CECR2: variants seen among roughly 807,000 people sequenced by gnomAD.
CECR2 encodes CECR2 histone acetyl-lysine reader.
CECR2 carries 30 observed loss-of-function variants against 154.5 expected under a neutral mutation model. The observed-to-expected ratio is 0.19, with a 90% CI of 0.15 to 0.26. The LOEUF (loss-of-function observed/expected upper bound fraction) is 0.26. Ranked by LOEUF, CECR2 falls within the 10% of genes least tolerant of loss-of-function variation. CECR2 has a pLI of 1.00. For missense variants in CECR2, 1,743 were observed against 1,829.3 expected (o/e 0.95, Z 0.86); for synonymous variants, 725 against 683.7 (o/e 1.06, Z -0.94).
At chr22:17,469,593 G>GGT (rs1555913581) in intron 1 of CECR2, among the ~76,000 whole-genome samples, 2 of 125,398 alleles carry the variant, frequency 1.6e-5, no homozygotes, top group Non-Finnish European at 3.3e-5. Flanking sequence ...TGATAACATT[G>GGT]TTTTTTTTTT....
In CECR2 at chr22:17,553,179, C is replaced by G. The variant is rs913196954; in HGVS notation, c.*339C>G. On this transcript the variant is annotated 3_prime_UTR_variant, in exon 19 of 19. Coordinates refer to ENST00000262608, the MANE Select transcript of CECR2 (RefSeq NM_001290047.2). ...CTTTAAACTTGGGGGAGGGGGTATA[C>G]TCAAGAATGGAGTGGTGCTTTTAAA... 14 of 250,926 alleles carry G rather than the reference C, an allele frequency of 5.6e-5. No homozygotes were observed. Among genetic ancestry groups the G allele is most frequent in the Non-Finnish European group, 1.0e-4 (14 of 134,360 alleles). 15.5% of individuals were successfully genotyped at this position (250,926 alleles called of 1,614,324 possible). A position where few individuals can be genotyped will look rare whatever the true frequency, so the allele number is the denominator to read the frequency against.
At chr22:17,452,544 G>A (rs1307303069) in intron 1 of CECR2, among the ~76,000 whole-genome samples, 5 of 152,288 alleles carry the variant, frequency 3.3e-5, no homozygotes, top group East Asian at 1.9e-4. Flanking sequence ...GGGATATGGC[G>A]TGAGAGAGAA....
chr22:17,393,629 A>G (rs1273879430), intron 1 of CECR2, among the ~76,000 whole-genome samples: 1 of 152,232 alleles, frequency 6.6e-6, no homozygotes, highest in East Asian at 1.9e-4. Flanking sequence ...CATCAGCAGT[A>G]TATGAGTGTT....
At chr22:17,524,333 C>T (rs1428259542) in intron 9 of CECR2, 62 bp downstream of exon 9, 6 of 1,582,828 alleles carry the variant, frequency 3.8e-6, no homozygotes, top group Non-Finnish European at 5.1e-6. Flanking sequence ...GTCCTGTAGC[C>T]AGAGCCAACT....
chr22:17,373,539 A>G lies in CECR2; in HGVS notation c.126+3630A>G, dbSNP rs1245280897. Among the ~76,000 whole-genome samples the G allele has an allele frequency of 4.6e-5, 7 of 152,222 alleles. No individual in the cohort carries two copies. In the East Asian group the frequency reaches 1.2e-3, roughly 25 times the overall value. On this transcript the variant is annotated intron_variant, in intron 1 of 18. Transcript: ENST00000262608. ...GATAAAAGTGATTCACTGTTAACAT[A>G]CTTAGAAATTCCTAAATATGCCCGC... is the stretch of plus-strand genomic sequence containing the variant.
intron 1 of CECR2, among the ~76,000 whole-genome samples, chr22:17,425,281 A>G (rs1280830494): frequency 6.6e-6 from 1 of 152,090 alleles, no homozygotes; most frequent in Non-Finnish European, 1.5e-5. Flanking sequence ...AACACAGGTG[A>G]ATATGTATGT....
intron 16 of CECR2, among the ~76,000 whole-genome samples, chr22:17,546,761 G>A (rs1246716946): frequency 6.6e-6 from 1 of 151,724 alleles, no homozygotes; most frequent in African/African-American, 2.4e-5. Context: ...TATTTTGGCT[G>A]GGCGCGGTGG....
intron 1 of CECR2, among the ~76,000 whole-genome samples, chr22:17,472,514 C>T (rs539538364): frequency 1.3e-5 from 2 of 152,218 alleles, no homozygotes; most frequent in South Asian, 2.1e-4. Context: ...AGTTGGTCCC[C>T]GTGCAAATTA....
intron 4 of CECR2, among the ~76,000 whole-genome samples, chr22:17,499,838 C>T (rs1253900733): frequency 6.6e-6 from 1 of 152,194 alleles, no homozygotes; most frequent in Non-Finnish European, 1.5e-5. Context: ...TTCTTCTCAG[C>T]AGCACAATCA....
chr22:17,364,362 A>AAAAAAAAAG lies in CECR2; in HGVS notation c.-364+4339_-364+4340insAAAAAAAAG, dbSNP rs1491212019. On this transcript the variant is annotated intron_variant, in intron 1 of 18. Coordinates refer to the CECR2 transcript ENST00000400585. ...TGTCTCAAAAAAAAAAAAAAAAAAA[A>AAAAAAAAAG]GAATTTGTGCCATACTTGGGCTTAG... is the stretch of plus-strand genomic sequence containing the variant. 9.8e-3 allele frequency among the ~76,000 whole-genome samples: 1,309 copies of AAAAAAAAAG among 133,176 alleles called. 150 individuals carry two copies. Among genetic ancestry groups the AAAAAAAAAG allele is most frequent in the African/African-American group, 0.033 (1,000 of 30,198 alleles). The allele number at this position is 133,176 out of a possible 152,430, so 87.4% of individuals were successfully genotyped here. A position where few individuals can be genotyped will look rare whatever the true frequency, so the allele number is the denominator to read the frequency against.
At chr22:17,403,366 T>C (rs757104628) in intron 1 of CECR2, among the ~76,000 whole-genome samples, 2 of 152,222 alleles carry the variant, frequency 1.3e-5, no homozygotes, top group African/African-American at 4.8e-5. Flanking sequence ...TTTGGGGCTA[T>C]TATAGATAAT....
At chr22:17,480,608 C>CATGCGGTTA in intron 2 of CECR2, among the ~76,000 whole-genome samples, 1 of 152,188 alleles carries the variant, frequency 6.6e-6, no homozygotes, top group Non-Finnish European at 1.5e-5. Context: ...GATGGTTCCA[C>CATGCGGTTA]ATGCGGTTAC....
chr22:17,513,082 C>T (rs190541922), intron 8 of CECR2, among the ~76,000 whole-genome samples: 27 of 152,150 alleles, frequency 1.8e-4, no homozygotes, highest in Non-Finnish European at 3.1e-4. Flanking sequence ...GACTGTGTTT[C>T]GGCATTTTCA....
intron 16 of CECR2, among the ~76,000 whole-genome samples, chr22:17,546,930 T>C (rs1180528165): frequency 6.7e-6 from 1 of 150,166 alleles, no homozygotes; most frequent in African/African-American, 2.5e-5. Flanking sequence ...GTTCAGCCAC[T>C]TGGGAGTCTG....
At chr22:17,475,270 C>T (rs947357273) in intron 1 of CECR2, among the ~76,000 whole-genome samples, 7 of 152,020 alleles carry the variant, frequency 4.6e-5, no homozygotes, top group African/African-American at 1.7e-4. Flanking sequence ...GTGGTTGGGG[C>T]GGTCACTGTA....
intron 7 of CECR2, among the ~76,000 whole-genome samples, chr22:17,507,160 A>G (rs1055077503): frequency 1.2e-4 from 19 of 152,274 alleles, no homozygotes; most frequent in African/African-American, 4.3e-4. Flanking sequence ...TATTTAATTT[A>G]TTGTAGATCT....
chr22:17,438,137 T>C (rs2054533045), intron 1 of CECR2, among the ~76,000 whole-genome samples: 1 of 152,210 alleles, frequency 6.6e-6, no homozygotes, highest in South Asian at 2.1e-4. Flanking sequence ...TGCAGTAGTA[T>C]CATAATGCAT....
At chr22:17,497,074 G>A (rs553246842) in intron 2 of CECR2, among the ~76,000 whole-genome samples, 76 of 152,248 alleles carry the variant, frequency 5.0e-4, no homozygotes, top group African/African-American at 1.8e-3. Flanking sequence ...CGGGCGGATC[G>A]TGTGAGCCTG....
At chr22:17,549,990 C>CA (rs11398444) in intron 17 of CECR2, among the ~76,000 whole-genome samples, 9,481 of 149,722 alleles carry the variant, frequency 0.063, 421 homozygotes, top group Admixed American at 0.14. Flanking sequence ...GGTCTAGGAA[C>CA]AAAAAAAATA....
Sources: allele counts gnomAD v4.1 joint callset (sites outside exome capture counted in the v4.1 genomes callset), GRCh38; gene constraint gnomAD v4.1.1; transcripts MANE v1.5; gene names NCBI Gene and HGNC (gene_info 2026-07-23, HGNC 2026-07-21).